RALGPS2: variants seen among roughly 807,000 people sequenced by gnomAD.
The protein encoded by RALGPS2 is ras-specific guanine nucleotide-releasing factor RalGPS2.
A neutral mutation model predicts 86.8 loss-of-function variants in RALGPS2; 43 were observed. The ratio of observed to expected loss-of-function variants is 0.50; its 90% CI spans 0.39 to 0.64. The LOEUF (loss-of-function observed/expected upper bound fraction) is 0.64, where lower values mean the gene tolerates loss of function less well. Ranked by LOEUF, RALGPS2 falls within the 30% of genes least tolerant of loss-of-function variation. The probability of loss-of-function intolerance (pLI) is 0.00; values close to 1 mark genes in which losing one functional copy is unlikely to be tolerated. For missense variants in RALGPS2, 536 were observed against 694.6 expected (o/e 0.77, Z 2.57); for synonymous variants, 243 against 231.3 (o/e 1.05, Z -0.46).
chr1:178,910,941 C>T (rs772378178), intron 19 of RALGPS2, among the ~76,000 whole-genome samples: 5 of 152,070 alleles, frequency 3.3e-5, no homozygotes, highest in Non-Finnish European at 4.4e-5. Context: ...AGTTTTGGAA[C>T]TCATTATTGG....
chr1:178,916,197 C>A, intron 19 of RALGPS2, 133 bp from the exon 20 acceptor site: 1 of 658,592 alleles, frequency 1.5e-6, no homozygotes, highest in Non-Finnish European at 2.6e-6. Flanking sequence ...ACTATTGAAG[C>A]TCCTTATATC....
At chr1:178,899,653 G>GTTTTTTTTTTTTTTT (rs57623890) in intron 17 of RALGPS2, among the ~76,000 whole-genome samples, 1 of 140,558 alleles carries the variant, frequency 7.1e-6, no homozygotes, top group Non-Finnish European at 1.6e-5. Flanking sequence ...TTTGGTTTTG[G>GTTTTTTTTTTTTTTT]TTTTTTTTTT....
At position 178,865,951 on chromosome 1, in the gene RALGPS2, CTTAAA is replaced by C. The variant is rs1658377066; in HGVS notation, c.608-11544_608-11540del. 1.1e-5 allele frequency: 6 copies of C among 535,724 alleles called. 1 individual carries two copies. The highest frequency in any genetic ancestry group is 5.9e-5 in the South Asian group (2 of 33,742). 33.2% of individuals were successfully genotyped at this position (535,724 alleles called of 1,614,324 possible). On this transcript the variant is annotated intron_variant, in intron 8 of 19. Transcript: ENST00000367635. ...AGGCTAGAATTAACTTTATTAATTT[CTTAAA>C]TTTAATATTAAGTTGTAATACTTTG...
intron 4 of RALGPS2, among the ~76,000 whole-genome samples, chr1:178,800,205 T>G (rs1392157371): frequency 6.6e-6 from 1 of 152,198 alleles, no homozygotes; most frequent in African/African-American, 2.4e-5. Context: ...TTCTAGTGAT[T>G]CAAGACTGCA....
chr1:178,780,728 C>G (rs909864368), intron 2 of RALGPS2, among the ~76,000 whole-genome samples: 2 of 152,110 alleles, frequency 1.3e-5, no homozygotes, highest in Admixed American at 1.3e-4. Flanking sequence ...AATTTTTCTT[C>G]CCATTCTGGT....
Position 178,776,793 on chromosome 1 carries a change from G to A in RALGPS2, c.29G>A (p.Ser10Asn). 6.2e-7 allele frequency: 1 copy of A among 1,613,220 alleles called. No individual in the cohort carries two copies. The highest frequency in any genetic ancestry group is 8.5e-7 in the Non-Finnish European group (1 of 1,179,532). The change falls in exon 2 of 20, where the codon AGT (serine) becomes AAT (asparagine). Residue 10 changes from serine (S) to asparagine (N), a missense_variant. Transcript: ENST00000367635. MDLMNGQAS[S>N]VNIAATASEK... Reference sequence around the variant, plus strand: ...GACCTAATGAACGGGCAGGCAAGCAGTGTCAATATTGCAGCTACTGCTTCT... The same window carrying A: ...GACCTAATGAACGGGCAGGCAAGCAATGTCAATATTGCAGCTACTGCTTCT...
At chr1:178,883,622 C>A in intron 11 of RALGPS2, 89 bp downstream of exon 11, 1 of 918,516 alleles carries the variant, frequency 1.1e-6, no homozygotes, top group Non-Finnish European at 1.7e-6. Flanking sequence ...AAACTTAGTA[C>A]ATCTTATACT....
At chr1:178,856,196 G>GATAGATAGAT (rs1449088390) in intron 8 of RALGPS2, among the ~76,000 whole-genome samples, 3 of 41,054 alleles carry the variant, frequency 7.3e-5, no homozygotes, top group African/African-American at 3.1e-4. Flanking sequence ...TTTCCAGAGA[G>GATAGATAGAT]AGAGAGATAT....
At chr1:178,900,792 C>A (rs182111627) in intron 17 of RALGPS2, among the ~76,000 whole-genome samples, 2 of 152,110 alleles carry the variant, frequency 1.3e-5, no homozygotes, top group Admixed American at 1.3e-4. Flanking sequence ...AGGTTGTCAC[C>A]TCAAGTGATG....
intron 1 of RALGPS2, among the ~76,000 whole-genome samples, chr1:178,766,840 TC>T (rs1652531103): frequency 6.6e-5 from 10 of 152,226 alleles, no homozygotes; most frequent in Admixed American, 6.5e-4. Context: ...TGAAATGTTT[TC>T]CAAGTTGCCT....
chr1:178,801,663 G>T (rs1407486931), intron 4 of RALGPS2, among the ~76,000 whole-genome samples: 1 of 152,162 alleles, frequency 6.6e-6, no homozygotes, highest in East Asian at 1.9e-4. Flanking sequence ...GAGGAAAACT[G>T]TTGGAAGGTG....
chr1:178,846,227 A>G (rs1238754266), intron 8 of RALGPS2, among the ~76,000 whole-genome samples: 4 of 152,182 alleles, frequency 2.6e-5, no homozygotes, highest in Non-Finnish European at 4.4e-5. Context: ...TAAGGCTCTG[A>G]CACTGATCTC....
At chr1:178,904,639 T>A (rs1660316693) in intron 18 of RALGPS2, among the ~76,000 whole-genome samples, 1 of 152,182 alleles carries the variant, frequency 6.6e-6, no homozygotes, top group South Asian at 2.1e-4. Context: ...TTTGTTTGCT[T>A]TGTTAAAGAT....
intron 4 of RALGPS2, among the ~76,000 whole-genome samples, chr1:178,803,466 A>G (rs1321073163): frequency 6.6e-6 from 1 of 152,214 alleles, no homozygotes; most frequent in Non-Finnish European, 1.5e-5. Flanking sequence ...ATCCTAAAAT[A>G]TGACATCTTT....
intron 16 of RALGPS2, among the ~76,000 whole-genome samples, chr1:178,897,302 G>A (rs1439349301): frequency 2.6e-5 from 4 of 152,064 alleles, no homozygotes; most frequent in Non-Finnish European, 4.4e-5. Flanking sequence ...TGCTGGAGAG[G>A]ATGTGGAGAA....
At chr1:178,749,397 A>G (rs568921908) in intron 1 of RALGPS2, among the ~76,000 whole-genome samples, 1 of 152,206 alleles carries the variant, frequency 6.6e-6, no homozygotes, top group Non-Finnish European at 1.5e-5. Context: ...GAGGCAGGAG[A>G]ATCACTTGAA....
At chr1:178,738,203 CTTTTT>C (rs1051296802) in intron 1 of RALGPS2, among the ~76,000 whole-genome samples, 1 of 110,744 alleles carries the variant, frequency 9.0e-6, no homozygotes, top group Non-Finnish European at 1.8e-5. Context: ...AGATGGATAT[CTTTTT>C]TTTTTTTTTT....
intron 1 of RALGPS2, among the ~76,000 whole-genome samples, chr1:178,741,218 CTTGG>C (rs1243154623): frequency 6.6e-6 from 1 of 152,030 alleles, no homozygotes; most frequent in Non-Finnish European, 1.5e-5. Context: ...TTAATAGATG[CTTGG>C]TGTTCTAAGC....
At chr1:178,826,065 A>G (rs1013301472) in intron 7 of RALGPS2, among the ~76,000 whole-genome samples, 1 of 152,248 alleles carries the variant, frequency 6.6e-6, no homozygotes, top group Non-Finnish European at 1.5e-5. Context: ...AGGATGGACC[A>G]TGAATTCAGG....
Sources: allele counts gnomAD v4.1 joint callset (sites outside exome capture counted in the v4.1 genomes callset), GRCh38; gene constraint gnomAD v4.1.1; transcripts MANE v1.5; gene names NCBI Gene and HGNC (gene_info 2026-07-23, HGNC 2026-07-21).